The following UNC5C variants were observed in gnomAD, a reference collection of about 807,000 sequenced individuals.
UNC5C encodes the protein netrin receptor UNC5C.
Under a neutral mutation model 99.8 loss-of-function variants are expected in UNC5C, and 47 were observed. The observed-to-expected ratio is 0.47, with a 90% CI of 0.37 to 0.60. The LOEUF (loss-of-function observed/expected upper bound fraction) is 0.60. Ranked by LOEUF, UNC5C falls within the 20% of genes least tolerant of loss-of-function variation. The pLI is 0.00. For missense variants in UNC5C, 1,062 were observed against 1,165.9 expected (o/e 0.91, Z 1.30); for synonymous variants, 487 against 452.2 (o/e 1.08, Z -0.98).
intron 3 of UNC5C, among the ~76,000 whole-genome samples, chr4:95,280,463 T>G (rs1233259340): frequency 6.6e-6 from 1 of 152,082 alleles, no homozygotes; most frequent in East Asian, 1.9e-4. Context: ...CCAAGGCAGG[T>G]GAATCACCTG....
At chr4:95,539,978 G>A (rs550871378) in intron 1 of UNC5C, among the ~76,000 whole-genome samples, 2 of 149,156 alleles carry the variant, frequency 1.3e-5, no homozygotes, top group Admixed American at 1.3e-4. Context: ...TTTTCACTGT[G>A]GTCATTTTAA....
intron 1 of UNC5C, among the ~76,000 whole-genome samples, chr4:95,419,163 T>G (rs1172115518): frequency 6.6e-6 from 1 of 152,206 alleles, no homozygotes; most frequent in East Asian, 1.9e-4. Context: ...TGGGTGGAGA[T>G]GGAGAAAGAT....
In UNC5C at chr4:95,165,253, C is replaced by T. The variant is rs1735817237; in HGVS notation, c.*3981G>A. ...AACTCAGTCCCCACGACTTTTTTCT[C>T]CTGAAAATCGCTCTACTTTTTGATA... On this transcript the variant is annotated 3_prime_UTR_variant, in exon 16 of 16. Coordinates refer to ENST00000453304, the MANE Select transcript of UNC5C (RefSeq NM_003728.4). 1 of 151,122 alleles carries T rather than the reference C, an allele frequency of 6.6e-6. No homozygotes were observed. The highest frequency in any genetic ancestry group is 1.5e-5 in the Non-Finnish European group (1 of 68,046). The allele number at this position is 151,122 out of a possible 1,614,324, so 9.4% of individuals were successfully genotyped here.
chr4:95,411,207 G>T (rs1392222245), intron 1 of UNC5C, among the ~76,000 whole-genome samples: 2 of 152,130 alleles, frequency 1.3e-5, no homozygotes, highest in Non-Finnish European at 2.9e-5. Context: ...CTAACTTTAA[G>T]ATATTGAGTA....
intron 1 of UNC5C, among the ~76,000 whole-genome samples, chr4:95,406,489 A>T (rs1168035399): frequency 2.0e-5 from 3 of 152,176 alleles, no homozygotes; most frequent in South Asian, 2.1e-4. Context: ...CATTTCTCTA[A>T]AATGAAACCT....
At chr4:95,490,253 A>C (rs1721445016) in intron 1 of UNC5C, among the ~76,000 whole-genome samples, 1 of 151,714 alleles carries the variant, frequency 6.6e-6, no homozygotes, top group South Asian at 2.1e-4. Context: ...ACAAGTCCTT[A>C]GAGAAATCAC....
chr4:95,409,359 C>G (rs774622895), intron 1 of UNC5C, among the ~76,000 whole-genome samples: 2 of 152,176 alleles, frequency 1.3e-5, no homozygotes, highest in African/African-American at 2.4e-5. Context: ...CTGCAGACAT[C>G]AAACAGTTCA....
At chr4:95,368,430 CAAAT>C (rs1184554525) in intron 1 of UNC5C, among the ~76,000 whole-genome samples, 2 of 150,576 alleles carry the variant, frequency 1.3e-5, no homozygotes, top group Non-Finnish European at 3.0e-5. Flanking sequence ...AAAAGAAAAA[CAAAT>C]AATTCTAGAA....
chr4:95,459,814 T>G (rs774365726), intron 1 of UNC5C, among the ~76,000 whole-genome samples: 4 of 152,154 alleles, frequency 2.6e-5, no homozygotes, highest in Non-Finnish European at 4.4e-5. Flanking sequence ...AGAATAGCAC[T>G]CATTTATTAT....
chr4:95,364,093 A>G (rs940068155), intron 1 of UNC5C, among the ~76,000 whole-genome samples: 1 of 152,024 alleles, frequency 6.6e-6, no homozygotes, highest in Non-Finnish European at 1.5e-5. Flanking sequence ...TTCTGCTGCC[A>G]CTCTCAACCA....
rs199875020 is a variant in UNC5C at position 95,345,028 on chromosome 4, A to ATT, written c.125-9398_125-9397insAA. 4.0e-5 allele frequency among the ~76,000 whole-genome samples: 4 copies of ATT among 99,610 alleles called. No homozygotes were observed. In the Admixed American group the frequency reaches 4.4e-4, roughly 11 times the overall value. 65.3% of individuals were successfully genotyped at this position (99,610 alleles called of 152,430 possible). On this transcript the variant is annotated intron_variant, in intron 1 of 15. Transcript: ENST00000453304. The stretch of plus-strand genomic sequence containing the variant: ...ATAATATTGACTATGAATTGATTAA[A>ATT]CCAATCAAAAGACACAGAGTAACTG...
intron 1 of UNC5C, among the ~76,000 whole-genome samples, chr4:95,356,224 A>AAAAAAAAAAAC (rs1560801873): frequency 2.4e-5 from 3 of 127,498 alleles, no homozygotes; most frequent in Non-Finnish European, 3.2e-5. Flanking sequence ...AAAACAAAAA[A>AAAAAAAAAAAC]AAAACAGATT....
intron 1 of UNC5C, among the ~76,000 whole-genome samples, chr4:95,463,468 A>G (rs1247560937): frequency 6.6e-6 from 1 of 152,108 alleles, no homozygotes; most frequent in African/African-American, 2.4e-5. Context: ...ACCATGAGGC[A>G]GAAAATGAAC....
intron 14 of UNC5C, among the ~76,000 whole-genome samples, chr4:95,177,410 C>G (rs962144580): frequency 6.7e-5 from 2 of 29,698 alleles, no homozygotes; most frequent in East Asian, 1.0e-3. Context: ...ACCCAGAGCG[C>G]CCCCCATATG....
chr4:95,367,617 G>GT (rs1359672954), intron 1 of UNC5C, among the ~76,000 whole-genome samples: 2 of 151,822 alleles, frequency 1.3e-5, no homozygotes, highest in Admixed American at 6.6e-5. Context: ...AATCTTATTG[G>GT]TAACTCCTAG....
At chr4:95,449,532 C>G (rs1322167939) in intron 1 of UNC5C, among the ~76,000 whole-genome samples, 1 of 152,136 alleles carries the variant, frequency 6.6e-6, no homozygotes, top group African/African-American at 2.4e-5. Context: ...ATCTTTTTCT[C>G]TCATGAAAAA....
intron 1 of UNC5C, among the ~76,000 whole-genome samples, chr4:95,517,326 G>C (rs1441846696): frequency 6.6e-6 from 1 of 152,006 alleles, no homozygotes; most frequent in Non-Finnish European, 1.5e-5. Context: ...CCATGAATTA[G>C]GGGATTTCTA....
At chr4:95,312,441 A>T (rs1189555299) in intron 2 of UNC5C, among the ~76,000 whole-genome samples, 1 of 152,196 alleles carries the variant, frequency 6.6e-6, no homozygotes, top group Non-Finnish European at 1.5e-5. Context: ...GGCATAGAAT[A>T]AACTTAATTG....
intron 7 of UNC5C, among the ~76,000 whole-genome samples, chr4:95,238,459 T>G (rs1274424529): frequency 6.6e-6 from 1 of 152,156 alleles, no homozygotes; most frequent in Non-Finnish European, 1.5e-5. Flanking sequence ...AATTTTTAAC[T>G]TAGTTTGCAC....
Sources: gnomAD v4.1 joint callset for allele counts (sites outside exome capture counted in the v4.1 genomes callset) on GRCh38, gnomAD v4.1.1 for gene constraint, MANE v1.5 for transcripts, NCBI Gene and HGNC (gene_info 2026-07-23, HGNC 2026-07-21) for gene names.